Variants in JAM2 observed in about 807,000 individuals in gnomAD.
The protein encoded by JAM2 is junctional adhesion molecule 2, also known as junctional adhesion molecule B.
Under a neutral mutation model 42.0 loss-of-function variants are expected in JAM2, and 17 were observed. The ratio of observed to expected loss-of-function variants is 0.40; its 90% confidence interval spans 0.28 to 0.61. The LOEUF is 0.61. JAM2 is among the 20% of genes least tolerant of loss of function. The probability of loss-of-function intolerance (pLI) is 0.37; values close to 1 mark genes in which losing one functional copy is unlikely to be tolerated. For synonymous variants in JAM2, 118 were observed against 128.6 expected, an observed-to-expected ratio of 0.92 and a Z score of 0.56; for missense variants, 319 against 358.3, an observed-to-expected ratio of 0.89 and a Z score of 0.89.
rs774606048 is a variant in JAM2 at position 25,714,601 on chromosome 21, A to G, written c.865-39A>G. 4.2e-5 allele frequency: 50 copies of G among 1,181,016 alleles called. No individual in the cohort carries two copies. The South Asian group carries it at 5.8e-4, about 14-fold the overall frequency. 73.2% of individuals were successfully genotyped at this position (1,181,016 alleles called of 1,614,324 possible). On this transcript the variant is annotated intron_variant, in intron 9 of 9. Transcript: ENST00000480456. ...AAGATTTATGTTTCTTTAAATATGA[A>G]TTCATATATTTAAACCTGTTTTTTC...
At chr21:25,647,740 C>T (rs2032654078) in intron 1 of JAM2, among the ~76,000 whole-genome samples, 1 of 152,180 alleles carries the variant, frequency 6.6e-6, no homozygotes, top group South Asian at 2.1e-4. Flanking sequence ...AACGTGTGTG[C>T]ACCCAGAGAG....
chr21:25,661,355 T>A (rs2033084024), intron 1 of JAM2, among the ~76,000 whole-genome samples: 1 of 151,994 alleles, frequency 6.6e-6, no homozygotes, highest in South Asian at 2.1e-4. Context: ...CCTAGCTACT[T>A]GGAAGGCTGA....
chr21:25,669,069 T>A (rs1568897487), intron 1 of JAM2, among the ~76,000 whole-genome samples: 1 of 152,150 alleles, frequency 6.6e-6, no homozygotes, highest in African/African-American at 2.4e-5. Flanking sequence ...GAAATAGTCA[T>A]TACCTTTAAA....
At chr21:25,713,429 G>C (rs2034420944) in intron 9 of JAM2, among the ~76,000 whole-genome samples, 1 of 152,042 alleles carries the variant, frequency 6.6e-6, no homozygotes, top group South Asian at 2.1e-4. Context: ...AATATAGTGG[G>C]TTGGGGCAGG....
At chr21:25,661,070 C>T (rs1027039853) in intron 1 of JAM2, among the ~76,000 whole-genome samples, 12 of 151,930 alleles carry the variant, frequency 7.9e-5, no homozygotes, top group African/African-American at 2.4e-4. Flanking sequence ...GGATTACAGG[C>T]GTGAGCCACT....
chr21:25,681,757 T>C (rs1373967125), intron 1 of JAM2, among the ~76,000 whole-genome samples: 3 of 151,664 alleles, frequency 2.0e-5, no homozygotes, highest in African/African-American at 4.9e-5. Context: ...CTGAGGTGGG[T>C]GGATCAGGAG....
At chr21:25,708,792 T>A (rs1418588305) in intron 7 of JAM2, among the ~76,000 whole-genome samples, 3 of 152,058 alleles carry the variant, frequency 2.0e-5, no homozygotes, top group African/African-American at 4.8e-5. Flanking sequence ...AGTAAAAAAA[T>A]TTTCCTAAAA....
intron 1 of JAM2, among the ~76,000 whole-genome samples, chr21:25,669,389 G>GA (rs765512375): frequency 0.16 from 16,083 of 100,076 alleles, 995 homozygotes; most frequent in East Asian, 0.4. Flanking sequence ...AGAAAAAAAA[G>GA]AAAAAAAGAA....
intron 1 of JAM2, among the ~76,000 whole-genome samples, chr21:25,666,245 T>A (rs996888091): frequency 1.3e-5 from 2 of 151,998 alleles, no homozygotes; most frequent in African/African-American, 4.8e-5. Flanking sequence ...TTATTAAATT[T>A]AGAATGCTTT....
intron 9 of JAM2, chr21:25,714,245 G>A (rs895780029): frequency 3.1e-6 from 4 of 1,297,608 alleles, no homozygotes; most frequent in Non-Finnish European, 2.0e-6. Flanking sequence ...AGTGGCTCAC[G>A]CCTGTAATCC....
chr21:25,714,408 G>GA (rs2034441866), intron 9 of JAM2: 1 of 447,974 alleles, frequency 2.2e-6, no homozygotes, highest in Non-Finnish European at 3.9e-6. Context: ...GGAGACAGGA[G>GA]AATCACTTGA....
At chr21:25,676,298 A>AG (rs1259590467) in intron 1 of JAM2, among the ~76,000 whole-genome samples, 2 of 144,938 alleles carry the variant, frequency 1.4e-5, no homozygotes, top group Non-Finnish European at 3.1e-5. Context: ...AAAAAAAAAA[A>AG]AAAAAGAAAA....
intron 1 of JAM2, among the ~76,000 whole-genome samples, chr21:25,640,826 T>TC (rs72091785): frequency 9.2e-5 from 14 of 151,704 alleles, no homozygotes; most frequent in Non-Finnish European, 1.3e-4. Flanking sequence ...TCTCTCTCTC[T>TC]TTCTTTCTGT....
intron 1 of JAM2, among the ~76,000 whole-genome samples, chr21:25,644,389 C>T (rs2032540744): frequency 1.3e-5 from 2 of 152,186 alleles, no homozygotes; most frequent in South Asian, 2.1e-4. Flanking sequence ...GGTTCTAGGG[C>T]AGAATCTGTT....
rs1195762490 is a variant in JAM2 at position 25,683,885 on chromosome 21, C to T, written c.70C>T (p.His24Tyr). The T allele has an allele frequency of 1.3e-6, 2 of 1,598,740 alleles. No individual in the cohort carries two copies. Among genetic ancestry groups the T allele is most frequent in the South Asian group, 2.2e-5 (2 of 90,498 alleles). The change falls in exon 2 of 10, where the codon CAT (histidine) becomes TAT (tyrosine). Residue 24 changes from histidine (H) to tyrosine (Y), a missense_variant and splice_region_variant. Physicochemically the swap from His to Tyr is moderately conservative, Grantham distance 83 (BLOSUM62 2). Transcript: ENST00000480456. ...TCCTATCTGTTTTAATCTTTCAGAT[C>T]ATAAGGCCTATGGGTTTTCTGCCCC... ...LRYLVVALGY[H>Y]KAYGFSAPKD... is the part of the protein sequence containing the mutation.
intron 1 of JAM2, among the ~76,000 whole-genome samples, chr21:25,669,802 G>A (rs1322037462): frequency 1.3e-5 from 2 of 152,148 alleles, no homozygotes. Context: ...GACTTAAGTT[G>A]CATTTCTCTA....
chr21:25,649,706 C>G (rs758216783), intron 1 of JAM2, among the ~76,000 whole-genome samples: 8 of 152,110 alleles, frequency 5.3e-5, no homozygotes, highest in Non-Finnish European at 1.0e-4. Flanking sequence ...CCATAATGAG[C>G]AAAAGTTTAT....
At chr21:25,685,866 C>A (rs892752493) in intron 2 of JAM2, among the ~76,000 whole-genome samples, 5 of 152,188 alleles carry the variant, frequency 3.3e-5, no homozygotes, top group Admixed American at 2.6e-4. Context: ...AAGTGAAGTT[C>A]AGTTCCACTT....
At chr21:25,666,889 C>A (rs1051223203) in intron 1 of JAM2, among the ~76,000 whole-genome samples, 2 of 152,172 alleles carry the variant, frequency 1.3e-5, no homozygotes, top group Non-Finnish European at 2.9e-5. Flanking sequence ...TAGGAATTGA[C>A]TCTATCATTT....
Sources: allele counts gnomAD v4.1 joint callset (sites outside exome capture counted in the v4.1 genomes callset), GRCh38; gene constraint gnomAD v4.1.1; transcripts MANE v1.5; gene names NCBI Gene and HGNC (gene_info 2026-07-23, HGNC 2026-07-21).